Variants in FER observed in about 807,000 individuals in gnomAD.
FER encodes tyrosine-protein kinase Fer.
Under a neutral mutation model 111.0 loss-of-function variants are expected in FER, and 63 were observed. The observed-to-expected ratio is 0.57, with a 90% CI of 0.46 to 0.70. The LOEUF is 0.70. Ranked by LOEUF, FER falls within the 30% of genes least tolerant of loss-of-function variation. The pLI is 0.00. For missense variants in FER, 914 were observed against 954.0 expected (o/e 0.96, Z 0.55); for synonymous variants, 327 against 313.9 (o/e 1.04, Z -0.44).
At position 109,044,672 on chromosome 5, in the gene FER, A is replaced by G. The variant is rs866728854; in HGVS notation, c.1714-8A>G. Reference sequence around the variant, plus strand: ...TACCCCAGACAATGAATGTATTTCTATTTTCAGGGAAATTTTGGTGAAGTA... The same window carrying G: ...TACCCCAGACAATGAATGTATTTCTGTTTTCAGGGAAATTTTGGTGAAGTA... On this transcript the variant is annotated splice_region_variant and splice_polypyrimidine_tract_variant and intron_variant, in intron 14 of 19. Coordinates refer to ENST00000281092, the MANE Select transcript of FER (RefSeq NM_005246.4). The G allele has an allele frequency of 1.5e-5, 21 of 1,400,434 alleles. No individual in the cohort carries two copies. The African/African-American group carries it at 1.9e-4, about 13-fold the overall frequency. 86.8% of individuals were successfully genotyped at this position (1,400,434 alleles called of 1,614,324 possible).
At chr5:108,993,615 GC>G (rs1445589811) in intron 13 of FER, among the ~76,000 whole-genome samples, 16 of 128,452 alleles carry the variant, frequency 1.2e-4, no homozygotes, top group South Asian at 2.3e-4. Flanking sequence ...GAGGGAGAGG[GC>G]AAGGGCGAGG....
Position 109,121,771 on chromosome 5 carries a change from T to C in FER, c.2048+21252T>C, listed in dbSNP as rs1170492838. On this transcript the variant is annotated intron_variant, in intron 17 of 19. Coordinates refer to ENST00000281092, the MANE Select transcript of FER (RefSeq NM_005246.4). ...ATTTTTTATAATGGCTTTAATCTCA[T>C]TACTTGTTATTGGTCTGTTCAGAAT... is the stretch of plus-strand genomic sequence containing the variant. 2.6e-5 allele frequency among the ~76,000 whole-genome samples: 4 copies of C among 152,084 alleles called. No homozygotes were observed. In the East Asian group the frequency reaches 5.8e-4, roughly 22 times the overall value.
intron 17 of FER, among the ~76,000 whole-genome samples, chr5:109,129,752 G>A (rs1752156097): frequency 6.6e-6 from 1 of 152,062 alleles, no homozygotes; most frequent in South Asian, 2.1e-4. Context: ...TTATTGAAAT[G>A]TGTCAAACGT....
intron 15 of FER, among the ~76,000 whole-genome samples, chr5:109,046,778 G>T (rs2149910313): frequency 6.6e-6 from 1 of 152,044 alleles, no homozygotes; most frequent in South Asian, 2.1e-4. Context: ...CATTATATTA[G>T]GTCTTATAAG....
At chr5:108,893,852 G>A (rs548474215) in intron 9 of FER, among the ~76,000 whole-genome samples, 1 of 152,094 alleles carries the variant, frequency 6.6e-6, no homozygotes, top group South Asian at 2.1e-4. Flanking sequence ...TTACAGTGGA[G>A]GACTCCATGA....
intron 1 of FER, among the ~76,000 whole-genome samples, chr5:108,762,649 T>C (rs983547671): frequency 1.3e-5 from 2 of 152,224 alleles, no homozygotes; most frequent in African/African-American, 4.8e-5. Flanking sequence ...CTGAACTAGT[T>C]CTTCTCTGAA....
chr5:109,031,292 C>T (rs1315292539), intron 13 of FER, among the ~76,000 whole-genome samples: 1 of 152,108 alleles, frequency 6.6e-6, no homozygotes, highest in Non-Finnish European at 1.5e-5. Flanking sequence ...ATTCACCCTT[C>T]TCATACCATC....
At position 109,047,170 on chromosome 5, in the gene FER, T is replaced by G. The variant is rs760733478; in HGVS notation, c.1896T>G (p.Pro632=). 1.2e-6 allele frequency: 2 copies of G among 1,606,470 alleles called. No individual in the cohort carries two copies. The highest frequency in any genetic ancestry group is 3.4e-5 in the Admixed American group (2 of 58,998). ...KLIGVCTQRQ[P]VYIIMELVSG... ...TAGGAGTTTGCACACAAAGACAGCC[T>G]GTCTACATCATTATGGAACTGGTTT... is the stretch of plus-strand genomic sequence containing the variant. Residue 632 remains proline, a synonymous_variant, in exon 16 of 20, where the codon CCT becomes CCG. Transcript: ENST00000281092.
intron 2 of FER, among the ~76,000 whole-genome samples, chr5:108,797,026 C>T (rs1236154068): frequency 1.3e-5 from 2 of 152,014 alleles, no homozygotes; most frequent in Non-Finnish European, 2.9e-5. Flanking sequence ...GAGCCCACAG[C>T]GTACTACCCG....
At chr5:108,822,360 G>A (rs1758941297) in intron 3 of FER, among the ~76,000 whole-genome samples, 1 of 152,150 alleles carries the variant, frequency 6.6e-6, no homozygotes, top group African/African-American at 2.4e-5. Context: ...CTGATATTGG[G>A]CATTTTATAA....
chr5:109,004,774 C>T (rs1327029616), intron 13 of FER, among the ~76,000 whole-genome samples: 2 of 151,970 alleles, frequency 1.3e-5, no homozygotes, highest in African/African-American at 4.8e-5. Context: ...GGTTTGGAAC[C>T]TGGTTTTGCA....
At chr5:108,871,123 A>G (rs532120217) in intron 6 of FER, among the ~76,000 whole-genome samples, 1 of 152,262 alleles carries the variant, frequency 6.6e-6, no homozygotes, top group Non-Finnish European at 1.5e-5. Flanking sequence ...ATTTTTGAAA[A>G]GGTAATGCCA....
At chr5:108,775,537 A>G (rs1753394508) in intron 2 of FER, among the ~76,000 whole-genome samples, 1 of 152,198 alleles carries the variant, frequency 6.6e-6, no homozygotes, top group Non-Finnish European at 1.5e-5. Flanking sequence ...AAATAAAAAT[A>G]TAATAGTTGA....
intron 17 of FER, among the ~76,000 whole-genome samples, chr5:109,116,738 G>A (rs9326759): frequency 0.19 from 28,810 of 152,032 alleles, 2,887 homozygotes; most frequent in Non-Finnish European, 0.22. Flanking sequence ...ATTGCATTTT[G>A]CCTTCAGGAT....
chr5:108,873,114 G>A (rs560869309), intron 8 of FER, among the ~76,000 whole-genome samples: 1 of 152,058 alleles, frequency 6.6e-6, no homozygotes, highest in East Asian at 1.9e-4. Flanking sequence ...TTGGAAAGAG[G>A]TTTGGAATCT....
At chr5:109,091,078 T>C (rs910406049) in intron 16 of FER, among the ~76,000 whole-genome samples, 2 of 152,158 alleles carry the variant, frequency 1.3e-5, no homozygotes, top group Admixed American at 1.3e-4. Context: ...GAGAAACCAC[T>C]GAAGGTGTGG....
rs543173870 is a variant in FER, at chr5:109,050,110, C to T, written c.1924+2912C>T. Among the ~76,000 whole-genome samples the T allele has an allele frequency of 1.1e-3, 161 of 152,194 alleles. 1 individual carries two copies. Among genetic ancestry groups the T allele is most frequent in the African/African-American group, 3.7e-3 (155 of 41,530 alleles). On this transcript the variant is annotated intron_variant, in intron 16 of 19. Transcript: ENST00000281092. ...CACATTAATGACTAAAGCCTGTTTA[C>T]AGTACTAAAATTCTGTCATTCAAGC...
chr5:108,855,887 C>T (rs917041603), intron 5 of FER, among the ~76,000 whole-genome samples: 3 of 148,210 alleles, frequency 2.0e-5, no homozygotes, highest in African/African-American at 5.0e-5. Flanking sequence ...ATCAGTTTTG[C>T]GGTAAAGGGG....
chr5:108,847,905 A>G (rs1476359200), intron 5 of FER, among the ~76,000 whole-genome samples: 1 of 151,684 alleles, frequency 6.6e-6, no homozygotes, highest in Non-Finnish European at 1.5e-5. Context: ...TTTTTTTTAC[A>G]ACAGGGTCTC....
Sources: gnomAD v4.1 joint callset for allele counts (sites outside exome capture counted in the v4.1 genomes callset) on GRCh38, gnomAD v4.1.1 for gene constraint, MANE v1.5 for transcripts, NCBI Gene and HGNC (gene_info 2026-07-23, HGNC 2026-07-21) for gene names.